NAALADL2: variants seen among roughly 807,000 people sequenced by gnomAD.
NAALADL2 encodes the protein inactive N-acetylated-alpha-linked acidic dipeptidase-like protein 2.
Under a neutral mutation model 87.2 loss-of-function variants are expected in NAALADL2, and 76 were observed. That is an observed-to-expected ratio of 0.87 (90% CI 0.72 to 1.05). The LOEUF is 1.05. Among genes scored for constraint, NAALADL2 ranks in the 50% least tolerant of loss-of-function variants. The pLI is 0.00. For synonymous variants in NAALADL2, 354 were observed against 331.0 expected, an observed-to-expected ratio of 1.07 and a Z score of -0.75; for missense variants, 1,089 against 945.8, an observed-to-expected ratio of 1.15 and a Z score of -1.99.
chr3:175,770,621 G>A lies in NAALADL2; in HGVS notation c.2189+15203G>A, dbSNP rs191495861. 1.5e-3 allele frequency among the ~76,000 whole-genome samples: 235 copies of A among 152,242 alleles called. 1 individual carries two copies. The highest frequency in any genetic ancestry group is 5.3e-3 in the African/African-American group (219 of 41,546). On this transcript the variant is annotated intron_variant, in intron 13 of 13. Transcript: ENST00000454872. ...GAGGAAACATGGCCAAATATTTCTG[G>A]AAGGGATAGCCTTCAAATGTGCCAG...
chr3:175,357,234 G>A (rs1479589339), intron 5 of NAALADL2, among the ~76,000 whole-genome samples: 1 of 152,070 alleles, frequency 6.6e-6, no homozygotes, highest in Admixed American at 6.6e-5. Flanking sequence ...CTACACTAAG[G>A]AATAGGTCAC....
At chr3:175,632,520 T>C (rs1727939110) in intron 11 of NAALADL2, among the ~76,000 whole-genome samples, 2 of 151,794 alleles carry the variant, frequency 1.3e-5, no homozygotes, top group Non-Finnish European at 2.9e-5. Context: ...TAGATAAGAG[T>C]GTGTGAAAAA....
chr3:175,034,882 T>G (rs1691790233), intron 1 of NAALADL2, among the ~76,000 whole-genome samples: 1 of 152,196 alleles, frequency 6.6e-6, no homozygotes, highest in Admixed American at 6.6e-5. Flanking sequence ...TCATATGAAT[T>G]ATTATTACTA....
chr3:175,037,156 C>T (rs4387984), intron 1 of NAALADL2, among the ~76,000 whole-genome samples: 1 of 152,076 alleles, frequency 6.6e-6, no homozygotes, highest in African/African-American at 2.4e-5. Context: ...TTATTACAAA[C>T]AGAGAGAGTG....
intron 3 of NAALADL2, among the ~76,000 whole-genome samples, chr3:174,769,458 TA>T (rs1284413335): frequency 2.0e-5 from 3 of 152,010 alleles, no homozygotes; most frequent in Non-Finnish European, 4.4e-5. Flanking sequence ...TGTATTTAAG[TA>T]ATTATTAGCA....
At chr3:175,284,021 G>A (rs79105343) in intron 4 of NAALADL2, among the ~76,000 whole-genome samples, 5,321 of 151,952 alleles carry the variant, frequency 0.035, 269 homozygotes, top group African/African-American at 0.12. Context: ...AAACTTCACC[G>A]GTCCCATTAT....
intron 1 of NAALADL2, among the ~76,000 whole-genome samples, chr3:174,872,723 C>T (rs1476920835): frequency 6.8e-6 from 1 of 146,066 alleles, no homozygotes; most frequent in East Asian, 1.9e-4. Context: ...TATTCATCTA[C>T]ACACACACAT....
intron 11 of NAALADL2, among the ~76,000 whole-genome samples, chr3:175,725,257 CTAAT>C (rs1458802720): frequency 6.6e-6 from 1 of 151,982 alleles, no homozygotes; most frequent in East Asian, 1.9e-4. Flanking sequence ...CTTTCTATGA[CTAAT>C]TGATTTGGAT....
In NAALADL2 at chr3:175,597,836, TAG is replaced by T. The variant is rs375010638; in HGVS notation, c.1800+21652_1800+21653del. On this transcript the variant is annotated intron_variant, in intron 10 of 13. Transcript: ENST00000454872. ...ATCTACATCTATATTTATCTAGAAT[TAG>T]AGTTTGCACAGTTTCTAGCATAATG... Among the ~76,000 whole-genome samples, 38 of 152,142 alleles carry T rather than the reference TAG, an allele frequency of 2.5e-4. 1 individual carries two copies. The highest frequency in any genetic ancestry group is 9.1e-4 in the African/African-American group (38 of 41,546).
intron 5 of NAALADL2, among the ~76,000 whole-genome samples, chr3:175,337,353 T>G (rs1052705933): frequency 6.6e-6 from 1 of 152,194 alleles, no homozygotes; most frequent in Admixed American, 6.5e-5. Flanking sequence ...CTGAGTTATC[T>G]TTTCAAAATT....
chr3:175,342,299 G>C (rs551060113), intron 5 of NAALADL2, among the ~76,000 whole-genome samples: 1 of 152,120 alleles, frequency 6.6e-6, no homozygotes, highest in African/African-American at 2.4e-5. Flanking sequence ...AAAAGGAGCA[G>C]GTACTTTGTG....
intron 2 of NAALADL2, among the ~76,000 whole-genome samples, chr3:175,166,518 A>G (rs1019415090): frequency 2.0e-5 from 3 of 151,848 alleles, no homozygotes; most frequent in Admixed American, 6.6e-5. Context: ...CTTGACAACT[A>G]TTTCCTTATT....
intron 1 of NAALADL2, among the ~76,000 whole-genome samples, chr3:174,538,634 G>A (rs1050103945): frequency 7.2e-5 from 11 of 152,146 alleles, no homozygotes; most frequent in Middle Eastern, 3.4e-3. Flanking sequence ...ATTTTTTTAA[G>A]TTGGATAAGA....
At chr3:175,045,866 C>T (rs999144356) in intron 1 of NAALADL2, among the ~76,000 whole-genome samples, 8 of 152,118 alleles carry the variant, frequency 5.3e-5, no homozygotes, top group African/African-American at 1.9e-4. Flanking sequence ...GGAACACTAT[C>T]ACTATTTTCC....
chr3:175,543,166 T>A (rs1042986941), intron 9 of NAALADL2, among the ~76,000 whole-genome samples: 4 of 152,160 alleles, frequency 2.6e-5, no homozygotes, highest in Admixed American at 6.5e-5. Flanking sequence ...CCACTGCCCT[T>A]CCATTTCTCT....
chr3:175,539,454 C>G (rs1272902455), intron 9 of NAALADL2, among the ~76,000 whole-genome samples: 1 of 151,966 alleles, frequency 6.6e-6, no homozygotes, highest in Non-Finnish European at 1.5e-5. Flanking sequence ...ATTGTGTAAA[C>G]AAATATAAGT....
intron 2 of NAALADL2, among the ~76,000 whole-genome samples, chr3:174,564,574 C>G (rs1714011701): frequency 6.6e-6 from 1 of 151,942 alleles, no homozygotes; most frequent in African/African-American, 2.4e-5. Flanking sequence ...TCTAAGTAAC[C>G]TAATAGTATT....
At chr3:174,507,079 T>C (rs1269327923) in intron 1 of NAALADL2, among the ~76,000 whole-genome samples, 1 of 152,114 alleles carries the variant, frequency 6.6e-6, no homozygotes, top group Non-Finnish European at 1.5e-5. Flanking sequence ...GCTTTTCCTA[T>C]ATAAAGTTAT....
At chr3:174,980,622 C>A (rs77691231) in intron 1 of NAALADL2, among the ~76,000 whole-genome samples, 16,586 of 151,970 alleles carry the variant, frequency 0.11, 2,206 homozygotes, top group African/African-American at 0.32. Context: ...GTGTATCATT[C>A]GTCTATTCAT....
Sources: gnomAD v4.1 joint callset for allele counts (sites outside exome capture counted in the v4.1 genomes callset) on GRCh38, gnomAD v4.1.1 for gene constraint, MANE v1.5 for transcripts, NCBI Gene and HGNC (gene_info 2026-07-23, HGNC 2026-07-21) for gene names.